ZNF567: variants seen among roughly 807,000 people sequenced by gnomAD.
ZNF567 encodes the protein zinc finger protein 567.
Under a neutral mutation model 53.9 loss-of-function variants are expected in ZNF567, and 36 were observed. That is an observed-to-expected ratio of 0.67 (90% confidence interval 0.51 to 0.88). The LOEUF is 0.88. ZNF567 is among the 40% of genes least tolerant of loss of function. ZNF567 has a pLI of 0.00. For missense variants in ZNF567, 619 were observed against 764.7 expected, an observed-to-expected ratio of 0.81 and a Z score of 2.25; for synonymous variants, 224 against 260.4, an observed-to-expected ratio of 0.86 and a Z score of 1.35.
upstream of ZNF567, among the ~76,000 whole-genome samples, chr19:36,687,081 C>T (rs1287644133): frequency 6.6e-6 from 1 of 152,206 alleles, no homozygotes; most frequent in Non-Finnish European, 1.5e-5. Flanking sequence ...AAACACAGCA[C>T]TGCAGAAATG....
chr19:36,673,471 CTCAT>C, the ZNF567 span, among the ~76,000 whole-genome samples: 1 of 152,140 alleles, frequency 6.6e-6, no homozygotes, highest in African/African-American at 2.4e-5. Context: ...ATGGATGAGC[CTCAT>C]TCAATCAGCT....
intron 5 of ZNF567, among the ~76,000 whole-genome samples, chr19:36,715,476 CAA>C (rs1269169465): frequency 1.5e-5 from 1 of 68,132 alleles, no homozygotes; most frequent in East Asian, 4.5e-4. Context: ...TTATTTAACT[CAA>C]AATAATAATA....
downstream of ZNF567, among the ~76,000 whole-genome samples, chr19:36,721,732 C>CTTTTTTTTTT (rs756276834): frequency 4.1e-5 from 5 of 121,654 alleles, no homozygotes; most frequent in East Asian, 2.8e-4. Context: ...GTACCAGAGT[C>CTTTTTTTTTT]TTTTTTTTTT....
chr19:36,709,202 A>T (rs559786702), intron 3 of ZNF567, among the ~76,000 whole-genome samples: 1 of 152,328 alleles, frequency 6.6e-6, no homozygotes, highest in East Asian at 1.9e-4. Flanking sequence ...TACAAGAAAA[A>T]ATATTCCTGA....
the ZNF567 span, among the ~76,000 whole-genome samples, chr19:36,667,609 A>G: frequency 6.7e-6 from 1 of 149,820 alleles, no homozygotes; most frequent in Non-Finnish European, 1.5e-5. Flanking sequence ...AACAACAACA[A>G]CAACAAAAAA....
chr19:36,720,116 TGTAGCA>T lies in ZNF567; in HGVS notation c.1393_1398del (p.Val465_Ala466del). The T allele has an allele frequency of 6.2e-7, 1 of 1,613,698 alleles. No individual in the cohort carries two copies. The highest frequency in any genetic ancestry group is 8.5e-7 in the Non-Finnish European group (1 of 1,179,890). On this transcript the variant is annotated inframe_deletion, in exon 6 of 6. Coordinates refer to ENST00000682579, the MANE Select transcript of ZNF567 (RefSeq NM_001322917.1). ...AGTCCTTCCGCCAGAAGACAACCCT[TGTAGCA>T]CATCAGAGAACACATACAGGGGAGA...
the ZNF567 span, among the ~76,000 whole-genome samples, chr19:36,675,856 A>G: frequency 3.3e-5 from 5 of 151,880 alleles, no homozygotes; most frequent in Non-Finnish European, 7.4e-5. Context: ...CTCAAACAAA[A>G]ACAAAAACAC....
chr19:36,712,165 G>A, intron 3 of ZNF567: 1 of 415,076 alleles, frequency 2.4e-6, no homozygotes, highest in Non-Finnish European at 4.5e-6. Flanking sequence ...TCCTGCCTCA[G>A]CCTCCCATGT....
At chr19:36,716,829 A>T (rs1052854914) in intron 5 of ZNF567, among the ~76,000 whole-genome samples, 1 of 152,054 alleles carries the variant, frequency 6.6e-6, no homozygotes, top group Non-Finnish European at 1.5e-5. Context: ...GTGATCATGT[A>T]AAATTTTTTT....
At chr19:36,721,412 T>C (rs922156800), downstream of ZNF567, 2 of 152,204 alleles carry the variant, frequency 1.3e-5, no homozygotes, top group Non-Finnish European at 2.9e-5. Flanking sequence ...TCCAAGAGTA[T>C]ATATGAGGTT....
At chr19:36,694,748 G>A in intron 2 of ZNF567, 54 bp from the exon 3 acceptor site, 2 of 850,454 alleles carry the variant, frequency 2.4e-6, no homozygotes, top group Non-Finnish European at 3.6e-6. Flanking sequence ...TATAAGAGCT[G>A]TGAGGCACAT....
intron 2 of ZNF567, among the ~76,000 whole-genome samples, chr19:36,690,682 G>A (rs931149031): frequency 2.6e-5 from 4 of 152,198 alleles, no homozygotes; most frequent in African/African-American, 4.8e-5. Flanking sequence ...TTCTTTTGGA[G>A]TTTCTTTCAT....
intron 1 of ZNF567, 24 bp from the exon 2 acceptor site, chr19:36,689,373 T>G (rs2038475821): frequency 6.6e-6 from 1 of 151,948 alleles, no homozygotes; most frequent in Non-Finnish European, 1.5e-5. Flanking sequence ...AACCTTTATT[T>G]TGTCTCCTCT....
the ZNF567 span, chr19:36,669,226 T>C: frequency 6.6e-6 from 1 of 152,016 alleles, no homozygotes; most frequent in Non-Finnish European, 1.5e-5. Context: ...TATGTGAAAG[T>C]GGTTTGCGAA....
At chr19:36,679,337 AT>A in the ZNF567 span, among the ~76,000 whole-genome samples, 1 of 152,216 alleles carries the variant, frequency 6.6e-6, no homozygotes, top group Admixed American at 6.5e-5. Context: ...GACACCTGCT[AT>A]TACAAACAAA....
At position 36,719,331 on chromosome 19, in the gene ZNF567, A is replaced by C. The variant is rs1600582985; in HGVS notation, c.607A>C (p.Thr203Pro). ...TGAAGTTCTTATGCAGTATCAGAAA[A>C]CGGAAACTCCAGCACAGTCATTTGG... ...HNEVLMQYQK[T>P]ETPAQSFGYN... is the part of the protein sequence containing the mutation. The change falls in exon 6 of 6, where the codon ACG (threonine) becomes CCG (proline). Residue 203 changes from threonine to proline, a missense_variant. Transcript: ENST00000682579. 1 of 1,612,730 alleles carries C rather than the reference A, an allele frequency of 6.2e-7. No homozygotes were observed. The highest frequency in any genetic ancestry group is 2.2e-5 in the East Asian group (1 of 44,852).
At chr19:36,700,673 T>G (rs1446635959) in intron 3 of ZNF567, among the ~76,000 whole-genome samples, 6 of 152,188 alleles carry the variant, frequency 3.9e-5, no homozygotes, top group African/African-American at 1.4e-4. Flanking sequence ...GTCGAGGAAT[T>G]TATCCATTTC....
chr19:36,704,161 C>T (rs1296367823), intron 3 of ZNF567, among the ~76,000 whole-genome samples: 1 of 152,072 alleles, frequency 6.6e-6, no homozygotes, highest in East Asian at 1.9e-4. Flanking sequence ...TTTTCTGGGC[C>T]AGGTGTGGTG....
At chr19:36,693,332 G>A (rs1284492569) in intron 2 of ZNF567, among the ~76,000 whole-genome samples, 1 of 151,832 alleles carries the variant, frequency 6.6e-6, no homozygotes, top group Non-Finnish European at 1.5e-5. Flanking sequence ...CTGGATGTGG[G>A]TGGTACATGC....
Sources: allele counts gnomAD v4.1 joint callset (sites outside exome capture counted in the v4.1 genomes callset), GRCh38; gene constraint gnomAD v4.1.1; transcripts MANE v1.5; gene names NCBI Gene and HGNC (gene_info 2026-07-23, HGNC 2026-07-21).